The following DIO1 variants were observed in gnomAD, a reference collection of about 807,000 sequenced individuals.
DIO1 encodes the protein iodothyronine deiodinase 1.
Under a neutral mutation model 25.9 loss-of-function variants are expected in DIO1, and 17 were observed. That is an observed-to-expected ratio of 0.66 (90% CI 0.45 to 0.98). The LOEUF (loss-of-function observed/expected upper bound fraction) is 0.98. Among genes scored for constraint, DIO1 ranks in the 50% least tolerant of loss-of-function variants. The pLI is 0.00. For synonymous variants in DIO1, 115 were observed against 114.0 expected, an observed-to-expected ratio of 1.01 and a Z score of -0.05; for missense variants, 270 against 310.4, an observed-to-expected ratio of 0.87 and a Z score of 0.98.
Position 53,908,221 on chromosome 1 carries a change from C to CAA in DIO1, c.682-1700_682-1699dup, listed in dbSNP as rs140832066. On this transcript the variant is annotated intron_variant, in intron 3 of 3. Transcript: ENST00000361921. ...TTGGCAACAGAGCGAGACTCCGTCT[C>CAA]AAAAAAAAAAAGAAAAAAAGAAAAT... 5.8e-5 allele frequency among the ~76,000 whole-genome samples: 8 copies of CAA among 138,592 alleles called. No homozygotes were observed. The South Asian group carries it at 6.8e-4, about 12-fold the overall frequency. 90.9% of individuals were successfully genotyped at this position (138,592 alleles called of 152,430 possible).
At chr1:53,902,760 C>A (rs560918697) in intron 1 of DIO1, among the ~76,000 whole-genome samples, 44 of 151,614 alleles carry the variant, frequency 2.9e-4, no homozygotes, top group African/African-American at 8.8e-4. Flanking sequence ...GGACATGGGA[C>A]CAGTGAATCA....
At chr1:53,907,595 G>A (rs1651716177) in intron 3 of DIO1, among the ~76,000 whole-genome samples, 1 of 152,110 alleles carries the variant, frequency 6.6e-6, no homozygotes, top group Admixed American at 6.6e-5. Context: ...GCAAATACTG[G>A]AAACACAAAA....
chr1:53,898,873 T>C (rs1340836672), intron 1 of DIO1, among the ~76,000 whole-genome samples: 2 of 152,012 alleles, frequency 1.3e-5, no homozygotes, highest in African/African-American at 2.4e-5. Context: ...ACGTGAAGAA[T>C]CTTTACTGAT....
intron 3 of DIO1, among the ~76,000 whole-genome samples, chr1:53,907,941 C>T (rs1281511698): frequency 7.4e-6 from 1 of 135,110 alleles, no homozygotes; most frequent in Non-Finnish European, 1.6e-5. Flanking sequence ...AAAAAATGAC[C>T]GGCCGGGCGC....
chr1:53,897,877 A>T (rs1460369544), intron 1 of DIO1, among the ~76,000 whole-genome samples: 1 of 152,238 alleles, frequency 6.6e-6, no homozygotes, highest in Non-Finnish European at 1.5e-5. Flanking sequence ...AAATAAAATT[A>T]AAAATTTTTA....
Position 53,898,451 on chromosome 1 carries a change from T to C in DIO1, c.337+3904T>C, listed in dbSNP as rs890396046. 5.3e-5 allele frequency among the ~76,000 whole-genome samples: 8 copies of C among 152,174 alleles called. No homozygotes were observed. In the South Asian group the frequency reaches 1.2e-3, roughly 24 times the overall value. ...AGTAAACATGATCAGTTCTGCTTAT[T>C]AGAAAGACATTGGCCGAGCATGGTG... On this transcript the variant is annotated intron_variant, in intron 1 of 3. Coordinates refer to ENST00000361921, the MANE Select transcript of DIO1 (RefSeq NM_000792.7).
chr1:53,905,455 G>A (rs908043085), intron 2 of DIO1, among the ~76,000 whole-genome samples: 2 of 152,182 alleles, frequency 1.3e-5, no homozygotes, highest in Admixed American at 1.3e-4. Flanking sequence ...AATTACAGTC[G>A]TGAGCCACTG....
At chr1:53,900,685 G>T (rs1431391485) in intron 1 of DIO1, among the ~76,000 whole-genome samples, 1 of 151,992 alleles carries the variant, frequency 6.6e-6, no homozygotes, top group Non-Finnish European at 1.5e-5. Context: ...ACACAGAGGG[G>T]GTATAGTTAA....
chr1:53,905,309 T>TA (rs756711765), intron 2 of DIO1, among the ~76,000 whole-genome samples: 1 of 151,592 alleles, frequency 6.6e-6, no homozygotes, highest in African/African-American at 2.4e-5. Flanking sequence ...CAAGTAGCTG[T>TA]ACTGCAGGCA....
At chr1:53,907,957 C>T (rs1651745242) in intron 3 of DIO1, among the ~76,000 whole-genome samples, 1 of 147,560 alleles carries the variant, frequency 6.8e-6, no homozygotes, top group Non-Finnish European at 1.5e-5. Flanking sequence ...GGCGCAGTGG[C>T]TCATGCCTGT....
At position 53,909,955 on chromosome 1, in the gene DIO1, A is replaced by G; in HGVS notation, c.706A>G (p.Asn236Asp). 6.2e-7 allele frequency: 1 copy of G among 1,614,188 alleles called. No individual in the cohort carries two copies. Among genetic ancestry groups the G allele is most frequent in the East Asian group, 2.2e-5 (1 of 44,886 alleles). Residue 236 changes from asparagine (N) to aspartate (D), a missense_variant, in exon 4 of 4, where the codon AAC becomes GAC. Transcript: ENST00000361921. ...YKGKSGPWNY[N>D]PEEVRAVLEK... is the part of the protein sequence containing the mutation. ...GGGTAAATCTGGCCCTTGGAACTAC[A>G]ACCCAGAGGAAGTTCGTGCTGTTCT...
chr1:53,905,330 T>C (rs897885894), intron 2 of DIO1, among the ~76,000 whole-genome samples: 1 of 152,010 alleles, frequency 6.6e-6, no homozygotes, highest in Non-Finnish European at 1.5e-5. Context: ...TACGCCACCA[T>C]GCCCAGCTAG....
chr1:53,906,617 CAG>C (rs1163735824), intron 3 of DIO1, among the ~76,000 whole-genome samples: 1 of 152,086 alleles, frequency 6.6e-6, no homozygotes, highest in East Asian at 1.9e-4. Flanking sequence ...AACTCAGAGA[CAG>C]AGAATGTTGT....
At chr1:53,897,678 C>T (rs1651149581) in intron 1 of DIO1, among the ~76,000 whole-genome samples, 1 of 151,742 alleles carries the variant, frequency 6.6e-6, no homozygotes, top group Non-Finnish European at 1.5e-5. Flanking sequence ...AGAGTGGAAC[C>T]CTGTCTCTAC....
chr1:53,894,216 G>A lies in DIO1; in HGVS notation c.6G>A (p.Gly2=), dbSNP rs143072578. 3.2e-4 allele frequency: 521 copies of A among 1,612,232 alleles called. 5 individuals carry two copies. The African/African-American group carries it at 6.3e-3, about 20-fold the overall frequency. Residue 2 remains glycine (G), a synonymous_variant, in exon 1 of 4, where the codon GGG becomes GGA. Coordinates refer to ENST00000361921, the MANE Select transcript of DIO1 (RefSeq NM_000792.7). This position sits in a 1 kb window ranked among gnomAD's most constrained non-coding sequence, Gnocchi z 4.9. M[G]LPQPGLWLKR... ...CTTACTCTGGCTTTGCCGAGATGGG[G>A]CTGCCCCAGCCAGGGCTGTGGCTGA...
rs1365311751 is a variant in DIO1, at chr1:53,909,912, T to C, written c.682-19T>C. 6.2e-7 allele frequency: 1 copy of C among 1,613,638 alleles called. No homozygotes were observed. Among genetic ancestry groups the C allele is most frequent in the Non-Finnish European group, 8.5e-7 (1 of 1,179,534 alleles). ...GAAATCCTTACAAGTTGGGAATGCC[T>C]GATTCGTTTCTCTTGCAGGGTAAAT... On this transcript the variant is annotated intron_variant, in intron 3 of 3. Coordinates refer to ENST00000361921, the MANE Select transcript of DIO1 (RefSeq NM_000792.7).
At chr1:53,908,686 G>A (rs1004659657) in intron 3 of DIO1, among the ~76,000 whole-genome samples, 3 of 152,164 alleles carry the variant, frequency 2.0e-5, no homozygotes, top group Admixed American at 6.5e-5. Context: ...GTGAATAAAC[G>A]ATTGGAGACA....
intron 1 of DIO1, among the ~76,000 whole-genome samples, chr1:53,902,023 C>T (rs1423909176): frequency 6.7e-6 from 1 of 149,488 alleles, no homozygotes; most frequent in Middle Eastern, 3.4e-3. Context: ...TGGGAGCCTG[C>T]CTGCTCTGGT....
At position 53,910,188 on chromosome 1, in the gene DIO1, G is replaced by C. The variant is rs1440840921; in HGVS notation, c.*189G>C. On this transcript the variant is annotated 3_prime_UTR_variant, in exon 4 of 4. Transcript: ENST00000361921. ...CCACAGCACCCAATCAAGACAAATT[G>C]TTATTATCAGAAAATGAAGCAACAC... The C allele has an allele frequency of 6.7e-6, 4 of 593,264 alleles. No individual in the cohort carries two copies. Among genetic ancestry groups the C allele is most frequent in the African/African-American group, 1.9e-5 (1 of 53,626 alleles). The allele number at this position is 593,264 out of a possible 1,614,324, so 36.7% of individuals were successfully genotyped here.
Sources: allele counts gnomAD v4.1 joint callset (sites outside exome capture counted in the v4.1 genomes callset), GRCh38; gene constraint gnomAD v4.1.1; non-coding constraint Gnocchi (gnomAD v3.1); transcripts MANE v1.5; gene names NCBI Gene and HGNC (gene_info 2026-07-23, HGNC 2026-07-21).